ERC2: variants seen among roughly 807,000 people sequenced by gnomAD.
ERC2 encodes the protein ELKS/RAB6-interacting/CAST family member 2.
In ERC2, 42 loss-of-function variants were observed where a neutral mutation model predicts 114.8. The observed-to-expected ratio is 0.37, with a 90% confidence interval of 0.29 to 0.47. The LOEUF is 0.47. ERC2 is among the 20% of genes least tolerant of loss of function. The pLI is 0.99. For synonymous variants in ERC2, 454 were observed against 425.5 expected (o/e 1.07, Z -0.82); for missense variants, 939 against 1,150.7 (o/e 0.82, Z 2.66).
chr3:55,775,332 G>A (rs2068511792), intron 14 of ERC2, among the ~76,000 whole-genome samples: 1 of 152,028 alleles, frequency 6.6e-6, no homozygotes, highest in Non-Finnish European at 1.5e-5. Context: ...AGGAGTTTGA[G>A]GCCAGCCTGA....
rs554993378 is a variant in ERC2, at chr3:55,583,535, T to C, written c.*40-72259A>G. Among the ~76,000 whole-genome samples, 320 of 45,698 alleles carry C rather than the reference T, an allele frequency of 7.0e-3. 14 individuals carry two copies. Among genetic ancestry groups the C allele is most frequent in the South Asian group, 0.024 (17 of 716 alleles). 30.0% of individuals were successfully genotyped at this position (45,698 alleles called of 152,430 possible). A position where few individuals can be genotyped will look rare whatever the true frequency, so the allele number is the denominator to read the frequency against. On this transcript the variant is annotated intron_variant, in intron 17 of 17. Transcript: ENST00000288221. The stretch of plus-strand genomic sequence containing the variant: ...TCCCTCCCTCCCTCCCTTCCTTCCT[T>C]CCTTCCTTTCTTCCTTCCTTCCTTC...
intron 14 of ERC2, among the ~76,000 whole-genome samples, chr3:55,871,327 G>A (rs1045905468): frequency 6.6e-6 from 1 of 152,152 alleles, no homozygotes. Flanking sequence ...AATAAAACAG[G>A]TGGTTTTGGG....
intron 2 of ERC2, among the ~76,000 whole-genome samples, chr3:56,360,992 A>G (rs1469513041): frequency 6.6e-6 from 1 of 152,140 alleles, no homozygotes; most frequent in African/African-American, 2.4e-5. Context: ...TGGGGTAGTC[A>G]TGCAAACAGA....
chr3:55,838,393 A>G (rs533636218), intron 14 of ERC2, among the ~76,000 whole-genome samples: 8 of 152,256 alleles, frequency 5.3e-5, no homozygotes, highest in African/African-American at 1.9e-4. Context: ...AAACATCTAT[A>G]CCAAGAATAT....
intron 12 of ERC2, among the ~76,000 whole-genome samples, chr3:55,962,712 C>T (rs184289487): frequency 3.9e-5 from 6 of 152,188 alleles, no homozygotes; most frequent in Admixed American, 3.9e-4. Flanking sequence ...ATGAGGGAAC[C>T]GTCGAAAGTT....
chr3:56,186,313 T>C (rs2083611533), intron 3 of ERC2, among the ~76,000 whole-genome samples: 1 of 152,048 alleles, frequency 6.6e-6, no homozygotes, highest in East Asian at 1.9e-4. Flanking sequence ...AAACTAATAT[T>C]GAATAGCTAA....
intron 10 of ERC2, among the ~76,000 whole-genome samples, chr3:55,998,977 A>T (rs1001442568): frequency 6.6e-6 from 1 of 152,194 alleles, no homozygotes; most frequent in Non-Finnish European, 1.5e-5. Context: ...CAGTGCCTCC[A>T]AATCAGTCAT....
chr3:55,679,802 C>G (rs150999329), intron 17 of ERC2, among the ~76,000 whole-genome samples: 220 of 152,340 alleles, frequency 1.4e-3, no homozygotes, highest in African/African-American at 5.0e-3. Flanking sequence ...GAAACCTCTG[C>G]TTTGTGTAGA....
chr3:56,373,618 T>C (rs912428025), intron 2 of ERC2, among the ~76,000 whole-genome samples: 2 of 152,156 alleles, frequency 1.3e-5, no homozygotes, highest in African/African-American at 4.8e-5. Context: ...AGTCAGCAAA[T>C]TTTTCTGCAA....
intron 14 of ERC2, among the ~76,000 whole-genome samples, chr3:55,782,455 T>C (rs562689574): frequency 6.6e-6 from 1 of 152,314 alleles, no homozygotes; most frequent in South Asian, 2.1e-4. Context: ...CTTGAATCAG[T>C]ACCCGTCTCT....
At chr3:56,032,913 A>AAGAAAGAGAGAGAGAC (rs2074477738) in intron 7 of ERC2, among the ~76,000 whole-genome samples, 1 of 68,700 alleles carries the variant, frequency 1.5e-5, no homozygotes, top group Non-Finnish European at 3.3e-5. Context: ...GAAAGAAAGA[A>AAGAAAGAGAGAGAGAC]AGAAAGAAAG....
chr3:55,941,754 T>C (rs765479845), intron 13 of ERC2, among the ~76,000 whole-genome samples: 3 of 152,224 alleles, frequency 2.0e-5, no homozygotes, highest in Admixed American at 1.3e-4. Context: ...CTTTCATGGA[T>C]GGAGAAAAAT....
chr3:55,879,070 T>C (rs370106941), intron 14 of ERC2, among the ~76,000 whole-genome samples: 1 of 131,164 alleles, frequency 7.6e-6, no homozygotes, highest in African/African-American at 3.0e-5. Flanking sequence ...TTTTCTTTCT[T>C]TTTCTTTTCT....
chr3:56,430,921 G>A (rs2061762743), intron 2 of ERC2, among the ~76,000 whole-genome samples: 1 of 152,140 alleles, frequency 6.6e-6, no homozygotes, highest in Admixed American at 6.5e-5. Flanking sequence ...TTTTAAGGAG[G>A]TAGTGATCAT....
At chr3:56,280,050 C>A (rs1240253821) in intron 3 of ERC2, among the ~76,000 whole-genome samples, 1 of 152,082 alleles carries the variant, frequency 6.6e-6, no homozygotes, top group African/African-American at 2.4e-5. Flanking sequence ...CCAATGTAAT[C>A]ATAAGGGTTT....
chr3:56,185,392 A>G (rs538247536), intron 3 of ERC2, among the ~76,000 whole-genome samples: 16 of 152,310 alleles, frequency 1.1e-4, no homozygotes, highest in African/African-American at 3.8e-4. Flanking sequence ...CTCTACCACC[A>G]TTATCTATTG....
intron 17 of ERC2, chr3:55,613,021 A>C (rs1413445101): frequency 1.3e-5 from 2 of 152,386 alleles, no homozygotes; most frequent in South Asian, 2.1e-4. Context: ...AAATTCCGGC[A>C]ACCCTAATCC....
chr3:55,970,065 G>A (rs975955428), intron 12 of ERC2, among the ~76,000 whole-genome samples: 7 of 152,112 alleles, frequency 4.6e-5, no homozygotes, highest in Non-Finnish European at 7.4e-5. Context: ...ATAAATGGCC[G>A]CATGTGTGTT....
At chr3:55,863,228 A>G (rs552860672) in intron 14 of ERC2, among the ~76,000 whole-genome samples, 1 of 152,274 alleles carries the variant, frequency 6.6e-6, no homozygotes, top group East Asian at 1.9e-4. Flanking sequence ...ATGCTCATAC[A>G]CTTAGCCAAT....
Sources: allele counts gnomAD v4.1 joint callset (sites outside exome capture counted in the v4.1 genomes callset), GRCh38; gene constraint gnomAD v4.1.1; transcripts MANE v1.5; gene names NCBI Gene and HGNC (gene_info 2026-07-23, HGNC 2026-07-21).